Variants in DZIP3 observed in about 807,000 individuals in gnomAD.
DZIP3 encodes E3 ubiquitin-protein ligase DZIP3.
In DZIP3, 118 loss-of-function variants were observed where a neutral mutation model predicts 162.0. The ratio of observed to expected loss-of-function variants is 0.73; its 90% confidence interval spans 0.63 to 0.85. The LOEUF (loss-of-function observed/expected upper bound fraction) is 0.85, where lower values mean the gene tolerates loss of function less well. Ranked by LOEUF, DZIP3 falls within the 40% of genes least tolerant of loss-of-function variation. DZIP3 has a pLI of 0.00. For missense variants in DZIP3, 1,331 were observed against 1,407.0 expected, an observed-to-expected ratio of 0.95 and a Z score of 0.86; for synonymous variants, 438 against 458.6, an observed-to-expected ratio of 0.96 and a Z score of 0.57.
rs188132728 is a variant in DZIP3 at position 108,591,865 on chromosome 3, G to A, written c.-73+2026G>A. On this transcript the variant is annotated intron_variant, in intron 1 of 32. Coordinates refer to ENST00000361582, the MANE Select transcript of DZIP3 (RefSeq NM_014648.4). The stretch of plus-strand genomic sequence containing the variant: ...GAAAAAATTAGCCGGGCATGGGTGT[G>A]CTCACTTGTAGTCCTAGCTACTCTG... Among the ~76,000 whole-genome samples the A allele has an allele frequency of 9.8e-4, 149 of 151,962 alleles. 1 individual carries two copies. The highest frequency in any genetic ancestry group is 3.0e-3 in the African/African-American group (125 of 41,432).
At chr3:108,620,724 A>G (rs1179135655) in intron 5 of DZIP3, among the ~76,000 whole-genome samples, 1 of 152,204 alleles carries the variant, frequency 6.6e-6, no homozygotes, top group African/African-American at 2.4e-5. Context: ...TTAATTTTTC[A>G]TTGAAGAAGT....
chr3:108,681,471 C>T (rs1387637230), intron 26 of DZIP3, among the ~76,000 whole-genome samples: 1 of 152,112 alleles, frequency 6.6e-6, no homozygotes, highest in African/African-American at 2.4e-5. Flanking sequence ...AACACTTTTA[C>T]ACTGTTGGTG....
chr3:108,676,340 G>A (rs1944109480), intron 25 of DZIP3, among the ~76,000 whole-genome samples: 2 of 151,974 alleles, frequency 1.3e-5, no homozygotes, highest in Admixed American at 6.6e-5. Flanking sequence ...AAAACTAAAT[G>A]TTTTAATGCG....
At chr3:108,657,421 T>G (rs894400163) in intron 19 of DZIP3, among the ~76,000 whole-genome samples, 1 of 152,138 alleles carries the variant, frequency 6.6e-6, no homozygotes, top group African/African-American at 2.4e-5. Flanking sequence ...TAAAATCCTT[T>G]ACAGACAAGC....
intron 1 of DZIP3, among the ~76,000 whole-genome samples, chr3:108,604,807 T>G (rs1483408932): frequency 6.6e-6 from 1 of 152,208 alleles, no homozygotes; most frequent in African/African-American, 2.4e-5. Flanking sequence ...AGTATAAACC[T>G]TTTGGGAAGC....
chr3:108,669,706 G>C lies in DZIP3; in HGVS notation c.2449G>C (p.Asp817His). 1.2e-6 allele frequency: 2 copies of C among 1,611,264 alleles called. No homozygotes were observed. Among genetic ancestry groups the C allele is most frequent in the Non-Finnish European group, 1.7e-6 (2 of 1,178,342 alleles). The change falls in exon 22 of 33, where the codon GAT (aspartate) becomes CAT (histidine). Residue 817 changes from aspartate (D) to histidine (H), a missense_variant. Asp to His is a moderately conservative substitution (Grantham distance 81). This residue lies in a region of DZIP3 where 1,278 missense variants were observed against 1,317.1 expected (regional missense o/e 0.97). Transcript: ENST00000361582. ...SKLQRQIHAKDNEIKNLKEQL... is the reference protein window; with the variant it reads ...SKLQRQIHAKHNEIKNLKEQL... Reference sequence around the variant, plus strand: ...ATTACAGCGTCAAATCCATGCTAAAGATAATGAAATCAAGAACCTTAAAGA... The same window carrying C: ...ATTACAGCGTCAAATCCATGCTAAACATAATGAAATCAAGAACCTTAAAGA...
In DZIP3 at chr3:108,644,215, A is replaced by G; in HGVS notation, c.1193A>G (p.His398Arg). The change falls in exon 14 of 33, where the codon CAT becomes CGT. Residue 398 changes from histidine (H) to arginine (R), a missense_variant. This residue lies in a region of DZIP3 where 1,278 missense variants were observed against 1,317.1 expected (regional missense o/e 0.97). Transcript: ENST00000361582. ...TATAATTATTTCTATCATCTGCTTC[A>G]TATAATTATTATTTCTGGTACTGAC... ...LDYNYFYHLL[H>R]IIIISGTDIV... 1 of 1,611,430 alleles carries G rather than the reference A, an allele frequency of 6.2e-7. No homozygotes were observed. Among genetic ancestry groups the G allele is most frequent in the Non-Finnish European group, 8.5e-7 (1 of 1,179,244 alleles).
At chr3:108,676,507 C>G (rs983338520) in intron 25 of DZIP3, among the ~76,000 whole-genome samples, 4 of 151,908 alleles carry the variant, frequency 2.6e-5, no homozygotes, top group African/African-American at 9.7e-5. Flanking sequence ...AAGACATAAT[C>G]CACTGAATAT....
rs916062627 is a variant in DZIP3, at chr3:108,597,197, C to A, written c.-73+7358C>A. 3.9e-5 allele frequency among the ~76,000 whole-genome samples: 6 copies of A among 152,190 alleles called. No individual in the cohort carries two copies. In the East Asian group the frequency reaches 7.7e-4, roughly 20 times the overall value. ...TATCAAGTATTACAGTTCAGCTAAA[C>A]TCTAAATGATTTGCCCAACCATGAA... is the stretch of plus-strand genomic sequence containing the variant. On this transcript the variant is annotated intron_variant, in intron 1 of 32. Transcript: ENST00000361582.
intron 26 of DZIP3, among the ~76,000 whole-genome samples, chr3:108,678,000 C>CT (rs1189171663): frequency 6.6e-6 from 1 of 152,016 alleles, no homozygotes; most frequent in Non-Finnish European, 1.5e-5. Flanking sequence ...AGAAGCAAAA[C>CT]TTTATCTGTA....
intron 19 of DZIP3, among the ~76,000 whole-genome samples, chr3:108,656,316 C>T (rs1943118791): frequency 6.6e-6 from 1 of 152,172 alleles, no homozygotes; most frequent in Non-Finnish European, 1.5e-5. Context: ...AACGATCAGG[C>T]AGCAACATTT....
chr3:108,618,351 T>C (rs963032033), intron 5 of DZIP3, among the ~76,000 whole-genome samples: 1 of 152,254 alleles, frequency 6.6e-6, no homozygotes, highest in Non-Finnish European at 1.5e-5. Context: ...CTGTTTTCTT[T>C]TAATTACAAA....
rs974134365 is a variant in DZIP3 at position 108,613,144 on chromosome 3, T to C, written c.258+1815T>C. Among the ~76,000 whole-genome samples the C allele has an allele frequency of 2.0e-5, 3 of 150,646 alleles. No homozygotes were observed. In the East Asian group the frequency reaches 5.8e-4, roughly 29 times the overall value. ...CTAAAACTCTATTAAAGGTAAGAAA[T>C]GAGGACCTGAATGGAATAGTACATG... On this transcript the variant is annotated intron_variant, in intron 4 of 32. Coordinates refer to ENST00000361582, the MANE Select transcript of DZIP3 (RefSeq NM_014648.4).
At chr3:108,631,056 C>T (rs1559741322) in intron 8 of DZIP3, among the ~76,000 whole-genome samples, 6 of 28,996 alleles carry the variant, frequency 2.1e-4, no homozygotes, top group African/African-American at 7.5e-4. Context: ...CACACACACA[C>T]TCTCTCTCTC....
intron 5 of DZIP3, among the ~76,000 whole-genome samples, chr3:108,621,758 A>G (rs1443058838): frequency 6.6e-6 from 1 of 152,198 alleles, no homozygotes; most frequent in African/African-American, 2.4e-5. Context: ...CACTGCTGGG[A>G]TATACCCAAA....
chr3:108,613,353 A>G (rs1940825916), intron 4 of DZIP3, among the ~76,000 whole-genome samples: 1 of 152,150 alleles, frequency 6.6e-6, no homozygotes, highest in African/African-American at 2.4e-5. Context: ...ATGAAGGAGT[A>G]GGGCTGGGAA....
chr3:108,594,639 A>G (rs1194805122), intron 1 of DZIP3, among the ~76,000 whole-genome samples: 2 of 151,628 alleles, frequency 1.3e-5, no homozygotes, highest in East Asian at 3.9e-4. Flanking sequence ...GTTCCCCTGT[A>G]TGTGTCTATG....
intron 26 of DZIP3, among the ~76,000 whole-genome samples, chr3:108,680,971 ATG>A (rs1429152728): frequency 1.3e-5 from 2 of 152,206 alleles, no homozygotes; most frequent in African/African-American, 4.8e-5. Flanking sequence ...AAAGACTTAA[ATG>A]TAAGACCTAA....
intron 22 of DZIP3, among the ~76,000 whole-genome samples, chr3:108,672,248 T>A (rs1943951365): frequency 6.6e-6 from 1 of 151,932 alleles, no homozygotes; most frequent in Non-Finnish European, 1.5e-5. Context: ...AACACAAACA[T>A]TCAGTTCATT....
Sources: allele counts gnomAD v4.1 joint callset (sites outside exome capture counted in the v4.1 genomes callset), GRCh38; gene constraint gnomAD v4.1.1; regional missense constraint gnomAD v4.1.1; transcripts MANE v1.5; gene names NCBI Gene and HGNC (gene_info 2026-07-23, HGNC 2026-07-21).